CREB5: variants seen among roughly 807,000 people sequenced by gnomAD.
CREB5 encodes cAMP responsive element binding protein 5, also known as cyclic AMP-responsive element-binding protein 5.
A neutral mutation model predicts 57.1 loss-of-function variants in CREB5; 19 were observed. That is an observed-to-expected ratio of 0.33 (90% CI 0.23 to 0.49). The LOEUF (loss-of-function observed/expected upper bound fraction) is 0.49, where lower values mean the gene tolerates loss of function less well. CREB5 is among the 20% of genes least tolerant of loss of function. The pLI is 0.99. For synonymous variants in CREB5, 238 were observed against 238.3 expected, an observed-to-expected ratio of 1.00 and a Z score of 0.01; for missense variants, 579 against 671.6, an observed-to-expected ratio of 0.86 and a Z score of 1.52.
intron 2 of CREB5, among the ~76,000 whole-genome samples, chr7:28,490,519 G>T (rs1454617933): frequency 6.6e-6 from 1 of 152,220 alleles, no homozygotes; most frequent in Non-Finnish European, 1.5e-5. Context: ...TAATATTTAG[G>T]TAAGTCAGAG....
intron 7 of CREB5, among the ~76,000 whole-genome samples, chr7:28,734,206 C>CAAAAAAAAAAAAAAAAAAAAAAAAAAAAA (rs61403862): frequency 1.0e-5 from 1 of 96,444 alleles, no homozygotes; most frequent in Non-Finnish European, 1.9e-5. Context: ...TTCAGTAGTT[C>CAAAAAAAAAAAAAAAAAAAAAAAAAAAAA]AAAAAAAAAA....
At chr7:28,435,630 C>G (rs1056602741) in intron 1 of CREB5, 3 of 985,016 alleles carry the variant, frequency 3.0e-6, no homozygotes, top group Non-Finnish European at 3.6e-6. Flanking sequence ...GTGGTGGAGT[C>G]AATTTATTTC....
At chr7:28,372,971 T>C (rs1009922790) in intron 1 of CREB5, among the ~76,000 whole-genome samples, 4 of 152,186 alleles carry the variant, frequency 2.6e-5, no homozygotes, top group South Asian at 2.1e-4. Flanking sequence ...TGGTGTTTAT[T>C]TGGGGTAAGG....
chr7:28,406,186 G>C (rs1787575788), intron 1 of CREB5, among the ~76,000 whole-genome samples: 2 of 152,188 alleles, frequency 1.3e-5, no homozygotes, highest in Non-Finnish European at 2.9e-5. Flanking sequence ...TCTTGGGATG[G>C]TTTTATTCAG....
intron 5 of CREB5, among the ~76,000 whole-genome samples, chr7:28,650,598 C>G (rs184494047): frequency 3.3e-4 from 50 of 152,150 alleles, no homozygotes; most frequent in African/African-American, 7.9e-4. Flanking sequence ...GCTTCCCCCC[C>G]CAACCTTCCA....
At chr7:28,695,151 C>T (rs140962493) in intron 5 of CREB5, among the ~76,000 whole-genome samples, 7 of 152,214 alleles carry the variant, frequency 4.6e-5, no homozygotes, top group African/African-American at 7.2e-5. Context: ...CACTTGAGCC[C>T]GGTAGTTCCA....
At chr7:28,569,419 G>A (rs949100782) in intron 4 of CREB5, among the ~76,000 whole-genome samples, 52 of 152,072 alleles carry the variant, frequency 3.4e-4, no homozygotes, top group African/African-American at 1.2e-3. Flanking sequence ...TTTTCTCTGG[G>A]TGTCTGAGTA....
intron 9 of CREB5, 59 bp downstream of exon 9, chr7:28,809,473 C>G: frequency 1.4e-6 from 2 of 1,473,966 alleles, no homozygotes; most frequent in South Asian, 1.3e-5. Flanking sequence ...CGGGCATTTC[C>G]GGCCCTGACA....
At chr7:28,744,456 T>A (rs533414743) in intron 7 of CREB5, among the ~76,000 whole-genome samples, 1 of 149,164 alleles carries the variant, frequency 6.7e-6, no homozygotes, top group South Asian at 2.2e-4. Context: ...CAAGCGATTC[T>A]CGTGCCTCAG....
intron 1 of CREB5, among the ~76,000 whole-genome samples, chr7:28,446,816 G>A (rs1443386981): frequency 6.6e-6 from 1 of 151,742 alleles, no homozygotes; most frequent in Non-Finnish European, 1.5e-5. Context: ...CAAAACAAAA[G>A]TAAAAGAATA....
intron 7 of CREB5, among the ~76,000 whole-genome samples, chr7:28,737,609 G>A (rs1294522520): frequency 4.0e-5 from 5 of 124,336 alleles, no homozygotes; most frequent in African/African-American, 1.5e-4. Flanking sequence ...TGTTTCAAAG[G>A]ATACTTCTGT....
At chr7:28,657,738 A>G (rs113175030) in intron 5 of CREB5, among the ~76,000 whole-genome samples, 1 of 139,818 alleles carries the variant, frequency 7.2e-6, no homozygotes, top group Non-Finnish European at 1.6e-5. Context: ...AAAAAAAAAA[A>G]GAATAAAATT....
chr7:28,558,708 G>A (rs6964651), intron 4 of CREB5, among the ~76,000 whole-genome samples: 71 of 152,284 alleles, frequency 4.7e-4, no homozygotes, highest in African/African-American at 1.7e-3. Context: ...GAAAGGCAAA[G>A]GCAAGTCTCT....
At chr7:28,736,577 G>A (rs371378832) in intron 7 of CREB5, among the ~76,000 whole-genome samples, 1 of 152,126 alleles carries the variant, frequency 6.6e-6, no homozygotes, top group Non-Finnish European at 1.5e-5. Flanking sequence ...ACGTACAGGG[G>A]ACAGTGCCCA....
intron 4 of CREB5, among the ~76,000 whole-genome samples, chr7:28,564,841 A>G (rs1266462803): frequency 6.6e-6 from 1 of 152,232 alleles, no homozygotes; most frequent in Non-Finnish European, 1.5e-5. Flanking sequence ...GCTTATGGTT[A>G]TGAAGAAAAA....
At chr7:28,716,444 G>A (rs968055668) in intron 5 of CREB5, among the ~76,000 whole-genome samples, 5 of 152,290 alleles carry the variant, frequency 3.3e-5, no homozygotes, top group African/African-American at 1.2e-4. Context: ...GAATACAAAC[G>A]TGGTAAAAGG....
At chr7:28,785,391 T>C (rs1807263070) in intron 7 of CREB5, among the ~76,000 whole-genome samples, 1 of 152,240 alleles carries the variant, frequency 6.6e-6, no homozygotes. Context: ...CTCGATTTGT[T>C]TGATTCATGG....
intron 1 of CREB5, among the ~76,000 whole-genome samples, chr7:28,348,391 CTCTCTG>C (rs1278893205): frequency 4.5e-4 from 51 of 114,050 alleles, no homozygotes; most frequent in Middle Eastern, 4.2e-3. Flanking sequence ...CTGTCTCTCT[CTCTCTG>C]TCTCTCTCTC....
chr7:28,451,757 C>A (rs1340716847), intron 1 of CREB5, among the ~76,000 whole-genome samples: 7 of 151,988 alleles, frequency 4.6e-5, no homozygotes, highest in African/African-American at 1.7e-4. Flanking sequence ...GAGAGTGTTG[C>A]TAAATTGATC....
Sources: allele counts gnomAD v4.1 joint callset (sites outside exome capture counted in the v4.1 genomes callset), GRCh38; gene constraint gnomAD v4.1.1; transcripts MANE v1.5; gene names NCBI Gene and HGNC (gene_info 2026-07-23, HGNC 2026-07-21).